Variants in DRC8 observed in about 807,000 individuals in gnomAD.
DRC8 encodes dynein regulatory complex subunit 8, also known as dynein regulatory complex protein 8.
chr1:245,106,577 C>T, the DRC8 span, among the ~76,000 whole-genome samples: 2 of 152,032 alleles, frequency 1.3e-5, no homozygotes, highest in African/African-American at 4.8e-5. Flanking sequence ...CTCAAACTTG[C>T]ACCTTGTTAT....
the DRC8 span, among the ~76,000 whole-genome samples, chr1:244,974,883 A>G: frequency 6.6e-6 from 1 of 151,858 alleles, no homozygotes; most frequent in Non-Finnish European, 1.5e-5. Context: ...TTGTAGAGAC[A>G]GGGTTTCACT....
chr1:245,014,032 AAAAAAAAAAAAAAAAAAGAC>A, the DRC8 span, among the ~76,000 whole-genome samples: 1 of 2,364 alleles, frequency 4.2e-4, no homozygotes, highest in Non-Finnish European at 7.8e-4. Flanking sequence ...ACTCCATCTC[AAAAAAAAAAAAAAAAAAGAC>A]AAAAAAAAAG....
chr1:244,993,680 A>T, the DRC8 span, among the ~76,000 whole-genome samples: 1 of 152,232 alleles, frequency 6.6e-6, no homozygotes, highest in Non-Finnish European at 1.5e-5. Context: ...GGAGGCTGGA[A>T]AGTCCGAGAT....
chr1:245,117,884 G>T, the DRC8 span, among the ~76,000 whole-genome samples: 1 of 152,014 alleles, frequency 6.6e-6, no homozygotes, highest in African/African-American at 2.4e-5. Context: ...CATGAGACTT[G>T]CTTGAACCCA....
chr1:244,977,326 T>C, the DRC8 span, among the ~76,000 whole-genome samples: 1 of 152,192 alleles, frequency 6.6e-6, no homozygotes, highest in African/African-American at 2.4e-5. Flanking sequence ...AAATGTTGAG[T>C]ACATTCAGAA....
At chr1:244,981,203 G>A in the DRC8 span, among the ~76,000 whole-genome samples, 2 of 148,200 alleles carry the variant, frequency 1.3e-5, no homozygotes, top group Non-Finnish European at 3.0e-5. Context: ...CCACCCCACC[G>A]CCAAAAAAAA....
chr1:245,093,697 C>CAAAA, the DRC8 span, among the ~76,000 whole-genome samples: 2 of 68,434 alleles, frequency 2.9e-5, no homozygotes, highest in Admixed American at 3.4e-4. Flanking sequence ...CTCCATCTCA[C>CAAAA]AAAAAAAAAA....
At chr1:245,065,775 G>A in the DRC8 span, among the ~76,000 whole-genome samples, 2,409 of 151,566 alleles carry the variant, frequency 0.016, 49 homozygotes, top group African/African-American at 0.055. Context: ...TTTTTCTGTC[G>A]TGCAGGCTTG....
the DRC8 span, among the ~76,000 whole-genome samples, chr1:244,977,608 G>A: frequency 2.0e-5 from 3 of 152,126 alleles, no homozygotes; most frequent in Non-Finnish European, 4.4e-5. Flanking sequence ...GTACAGGGAA[G>A]CTTCTTCCTT....
At chr1:245,067,051 T>C in the DRC8 span, among the ~76,000 whole-genome samples, 1 of 152,224 alleles carries the variant, frequency 6.6e-6, no homozygotes, top group Admixed American at 6.5e-5. Flanking sequence ...AATTTAACTT[T>C]CTCATCATTT....
the DRC8 span, among the ~76,000 whole-genome samples, chr1:245,075,101 G>A: frequency 6.6e-6 from 1 of 152,128 alleles, no homozygotes; most frequent in Non-Finnish European, 1.5e-5. Context: ...TGGGGAGAAA[G>A]GAATTTTCAC....
At chr1:245,101,666 GT>G in the DRC8 span, among the ~76,000 whole-genome samples, 1 of 151,994 alleles carries the variant, frequency 6.6e-6, no homozygotes, top group South Asian at 2.1e-4. Flanking sequence ...CAACCAAGTA[GT>G]TTTTAAAATT....
At chr1:245,076,517 A>G in the DRC8 span, among the ~76,000 whole-genome samples, 1 of 152,236 alleles carries the variant, frequency 6.6e-6, no homozygotes, top group South Asian at 2.1e-4. Flanking sequence ...GACTCTGACC[A>G]ATACAGAAAG....
At chr1:245,118,044 C>CCGT in the DRC8 span, among the ~76,000 whole-genome samples, 1 of 152,094 alleles carries the variant, frequency 6.6e-6, no homozygotes, top group African/African-American at 2.4e-5. Context: ...GCAAAAACCT[C>CCGT]TATTACGCTA....
the DRC8 span, among the ~76,000 whole-genome samples, chr1:245,056,067 T>G: frequency 6.6e-6 from 1 of 152,160 alleles, no homozygotes; most frequent in Non-Finnish European, 1.5e-5. Flanking sequence ...AAAATGTATG[T>G]ATTCATTTGT....
the DRC8 span, among the ~76,000 whole-genome samples, chr1:245,022,384 G>A: frequency 6.6e-6 from 1 of 150,752 alleles, no homozygotes; most frequent in East Asian, 2.0e-4. Context: ...GGCTGGTCTC[G>A]AATTCCTGGC....
chr1:245,066,253 C>G, the DRC8 span, among the ~76,000 whole-genome samples: 1 of 152,076 alleles, frequency 6.6e-6, no homozygotes, highest in Non-Finnish European at 1.5e-5. Context: ...TACAGTTTGC[C>G]TCCTTAACAC....
the DRC8 span, among the ~76,000 whole-genome samples, chr1:244,985,837 C>T: frequency 6.8e-6 from 1 of 147,654 alleles, no homozygotes; most frequent in Non-Finnish European, 1.5e-5. Flanking sequence ...GAACTCCAGC[C>T]TGGGCAACAG....
At chr1:245,031,053 G>C in the DRC8 span, among the ~76,000 whole-genome samples, 2 of 152,152 alleles carry the variant, frequency 1.3e-5, no homozygotes, top group Non-Finnish European at 1.5e-5. Flanking sequence ...AGGGAAGTGT[G>C]GATTTGGCAG....
Sources: allele counts gnomAD v4.1 joint callset (sites outside exome capture counted in the v4.1 genomes callset), GRCh38; gene constraint gnomAD v4.1.1; transcripts MANE v1.5; gene names NCBI Gene and HGNC (gene_info 2026-07-23, HGNC 2026-07-21).